MXI1: variants seen among roughly 807,000 people sequenced by gnomAD.
MXI1 encodes max-interacting protein 1.
A neutral mutation model predicts 36.9 loss-of-function variants in MXI1; 18 were observed. The ratio of observed to expected loss-of-function variants is 0.49; its 90% CI spans 0.34 to 0.72. The LOEUF is 0.72. Among genes scored for constraint, MXI1 ranks in the 30% least tolerant of loss-of-function variants. The probability of loss-of-function intolerance (pLI) is 0.01; values close to 1 mark genes in which losing one functional copy is unlikely to be tolerated. For synonymous variants in MXI1, 160 were observed against 146.7 expected, an observed-to-expected ratio of 1.09 and a Z score of -0.65; for missense variants, 304 against 379.1, an observed-to-expected ratio of 0.80 and a Z score of 1.64.
chr10:110,276,843 C>CTTT (rs919282794), intron 3 of MXI1, among the ~76,000 whole-genome samples: 2 of 140,380 alleles, frequency 1.4e-5, no homozygotes, highest in African/African-American at 5.2e-5. Context: ...CTTTTCTTTT[C>CTTT]TTTTTTTTTT....
In MXI1 at chr10:110,207,840, C is replaced by T. The variant is rs1430707337; in HGVS notation, c.32C>T (p.Ala11Val). Residue 11 changes from alanine (A) to valine (V), a missense_variant, in exon 1 of 6, where the codon GCG becomes GTG. Ala to Val is a moderately conservative substitution (Grantham distance 64, BLOSUM62 0). Transcript: ENST00000332674. ...AAACGCGGGCGGCCGCGCAAGGAGG[C>T]GCGCTGCGAGGGCGCGGGGCTGGCC... is the stretch of plus-strand genomic sequence containing the variant. MGKRGRPRKEARCEGAGLAPA... is the reference protein window; with the variant it reads MGKRGRPRKEVRCEGAGLAPA... The T allele has an allele frequency of 2.6e-6, 3 of 1,133,474 alleles. No homozygotes were observed. Among genetic ancestry groups the T allele is most frequent in the South Asian group, 7.9e-5 (2 of 25,392 alleles). The allele number at this position is 1,133,474 out of a possible 1,614,324, so 70.2% of individuals were successfully genotyped here.
intron 3 of MXI1, among the ~76,000 whole-genome samples, chr10:110,253,516 G>A (rs11195048): frequency 0.12 from 18,479 of 151,864 alleles, 1,510 homozygotes; most frequent in South Asian, 0.35. Context: ...TTTTTTACAC[G>A]GTGTACACAT....
chr10:110,258,151 T>C (rs990666972), intron 3 of MXI1, among the ~76,000 whole-genome samples: 1 of 152,156 alleles, frequency 6.6e-6, no homozygotes, highest in Non-Finnish European at 1.5e-5. Context: ...AAAAACAACA[T>C]TGTCCAGTGA....
intron 3 of MXI1, among the ~76,000 whole-genome samples, chr10:110,254,522 G>A (rs1372154270): frequency 6.6e-6 from 1 of 152,132 alleles, no homozygotes; most frequent in African/African-American, 2.4e-5. Flanking sequence ...AGCTAGAAAT[G>A]GTTAAGCTTA....
rs538078722 is a variant in MXI1, at chr10:110,269,514, C to CT, written c.438-9665dup. Among the ~76,000 whole-genome samples, 103 of 152,300 alleles carry CT rather than the reference C, an allele frequency of 6.8e-4. 1 individual carries two copies. The highest frequency in any genetic ancestry group is 2.4e-3 in the African/African-American group (99 of 41,572). The stretch of plus-strand genomic sequence containing the variant: ...TATTTCGTCATTTCCCTCTTCCATC[C>CT]TGGACAATAATTTGATACAATAAAG... On this transcript the variant is annotated intron_variant, in intron 3 of 5. Transcript: ENST00000332674.
intron 2 of MXI1, among the ~76,000 whole-genome samples, chr10:110,234,826 TC>T (rs1310773722): frequency 6.6e-6 from 1 of 152,230 alleles, no homozygotes; most frequent in African/African-American, 2.4e-5. Flanking sequence ...TTCAAAATTC[TC>T]TGTAGTTTCT....
Position 110,207,925 on chromosome 10 carries a change from C to G in MXI1, c.117C>G (p.Pro39=). The change falls in exon 1 of 6, where the codon CCC becomes CCG. Residue 39 remains proline (P), a synonymous_variant. Transcript: ENST00000332674. ...AVAAPQPPAL[P]EDPAGAKPRC... ...CCGCGCCCCAGCCCCCGGCCCTGCC[C>G]GAGGACCCCGCTGGGGCCAAGCCCA... The G allele has an allele frequency of 1.3e-6, 2 of 1,551,396 alleles. No individual in the cohort carries two copies. The highest frequency in any genetic ancestry group is 1.4e-5 in the African/African-American group (1 of 70,538).
chr10:110,223,226 C>A (rs1286349876), intron 1 of MXI1, among the ~76,000 whole-genome samples: 1 of 152,206 alleles, frequency 6.6e-6, no homozygotes, highest in Non-Finnish European at 1.5e-5. Flanking sequence ...GGAATTAAAG[C>A]CATCTTGAAT....
At chr10:110,274,184 C>A (rs1284847914) in intron 3 of MXI1, among the ~76,000 whole-genome samples, 1 of 152,088 alleles carries the variant, frequency 6.6e-6, no homozygotes, top group Non-Finnish European at 1.5e-5. Context: ...AAAATGATAC[C>A]AATCTACCAA....
At chr10:110,269,452 A>G (rs1564723401) in intron 3 of MXI1, among the ~76,000 whole-genome samples, 1 of 152,194 alleles carries the variant, frequency 6.6e-6, no homozygotes, top group Non-Finnish European at 1.5e-5. Context: ...GTTTTGTGCT[A>G]TGTAAGATCA....
chr10:110,210,434 C>A, intron 1 of MXI1: 1 of 331,134 alleles, frequency 3.0e-6, no homozygotes, highest in Non-Finnish European at 4.3e-6. Context: ...GACGTGATGC[C>A]AACGGCCCCC....
chr10:110,278,659 C>T (rs983498883), intron 3 of MXI1, among the ~76,000 whole-genome samples: 2 of 151,820 alleles, frequency 1.3e-5, no homozygotes, highest in African/African-American at 4.8e-5. Flanking sequence ...TATATAACAA[C>T]ATGTAACACA....
rs1274882994 is a variant in MXI1, at chr10:110,208,100, T to C, written c.274+18T>C. The C allele has an allele frequency of 1.3e-5, 20 of 1,566,464 alleles. No homozygotes were observed. Among genetic ancestry groups the C allele is most frequent in the Admixed American group, 1.8e-5 (1 of 54,138 alleles). On this transcript the variant is annotated intron_variant, in intron 1 of 5. Coordinates refer to ENST00000332674, the MANE Select transcript of MXI1 (RefSeq NM_130439.3). ...AAACAAAAGTAAGTTTGGGGGCCCC[T>C]GCTCTTCCTCGGCGCCCGGTTCTTT...
intron 1 of MXI1, among the ~76,000 whole-genome samples, chr10:110,213,664 G>C (rs1325161351): frequency 6.6e-6 from 1 of 152,198 alleles, no homozygotes. Flanking sequence ...TTGGAAGTTA[G>C]AGAAGTTGAA....
At chr10:110,284,170 T>C (rs1322376148) in intron 5 of MXI1, among the ~76,000 whole-genome samples, 1 of 151,998 alleles carries the variant, frequency 6.6e-6, no homozygotes, top group Non-Finnish European at 1.5e-5. Context: ...TAAGTCTGTA[T>C]ACTACCACCA....
At chr10:110,268,897 T>C (rs1245213488) in intron 3 of MXI1, among the ~76,000 whole-genome samples, 1 of 152,202 alleles carries the variant, frequency 6.6e-6, no homozygotes, top group Non-Finnish European at 1.5e-5. Flanking sequence ...GTAAATTTTA[T>C]TTTTCCAGAG....
In MXI1 at chr10:110,247,741, T is replaced by C. The variant is rs555902793; in HGVS notation, c.437+2884T>C. Among the ~76,000 whole-genome samples the C allele has an allele frequency of 5.6e-4, 85 of 152,314 alleles. 1 individual carries two copies. The highest frequency in any genetic ancestry group is 5.6e-3 in the Admixed American group (85 of 15,298). On this transcript the variant is annotated intron_variant, in intron 3 of 5. Transcript: ENST00000332674. The stretch of plus-strand genomic sequence containing the variant: ...GAGAAATAGGAACCCTTTTACACTG[T>C]TGGTGGGACTGTAAATTAGTTCATC...
chr10:110,258,657 A>G (rs979228485), intron 3 of MXI1, among the ~76,000 whole-genome samples: 1 of 152,148 alleles, frequency 6.6e-6, no homozygotes, highest in East Asian at 1.9e-4. Flanking sequence ...GGGCAGAGAT[A>G]GGCACCTGTT....
At chr10:110,242,813 G>C (rs1249604773) in intron 2 of MXI1, among the ~76,000 whole-genome samples, 1 of 151,990 alleles carries the variant, frequency 6.6e-6, no homozygotes. Context: ...GGGATTGCCA[G>C]ACTGTTTAGA....
Sources: gnomAD v4.1 joint callset for allele counts (sites outside exome capture counted in the v4.1 genomes callset) on GRCh38, gnomAD v4.1.1 for gene constraint, MANE v1.5 for transcripts, NCBI Gene and HGNC (gene_info 2026-07-23, HGNC 2026-07-21) for gene names.